Variants in EDIL3 observed in about 807,000 individuals in gnomAD.
EDIL3 encodes EGF like and discoidin domains 3, also known as EGF-like repeat and discoidin I-like domain-containing protein 3.
Under a neutral mutation model 67.4 loss-of-function variants are expected in EDIL3, and 37 were observed. The ratio of observed to expected loss-of-function variants is 0.55; its 90% CI spans 0.42 to 0.72. The LOEUF (loss-of-function observed/expected upper bound fraction) is 0.72, where lower values mean the gene tolerates loss of function less well. Among genes scored for constraint, EDIL3 ranks in the 30% least tolerant of loss-of-function variants. EDIL3 has a pLI of 0.00. For synonymous variants in EDIL3, 195 were observed against 196.3 expected, an observed-to-expected ratio of 0.99 and a Z score of 0.05; for missense variants, 527 against 586.3, an observed-to-expected ratio of 0.90 and a Z score of 1.04.
At chr5:84,262,659 G>GATTTT (rs1745250285) in intron 1 of EDIL3, among the ~76,000 whole-genome samples, 1 of 46,310 alleles carries the variant, frequency 2.2e-5, no homozygotes, top group Non-Finnish European at 3.6e-5. Context: ...AGGTTGGTTG[G>GATTTT]TTTTTTTTTT....
In EDIL3 at chr5:84,142,828, C is replaced by T. The variant is rs977881376; in HGVS notation, c.356-5474G>A. 2.3e-4 allele frequency among the ~76,000 whole-genome samples: 33 copies of T among 146,362 alleles called. No individual in the cohort carries two copies. The South Asian group carries it at 3.8e-3, about 17-fold the overall frequency. ...GACAATGATAGACGGTGCCCCCCCC[C>T]CCAAGCTTTTTTTTCTTTTGCGAAG... On this transcript the variant is annotated intron_variant, in intron 4 of 10. Coordinates refer to ENST00000296591, the MANE Select transcript of EDIL3 (RefSeq NM_005711.5).
intron 1 of EDIL3, among the ~76,000 whole-genome samples, chr5:84,320,856 T>C (rs969233513): frequency 3.3e-5 from 5 of 152,188 alleles, no homozygotes; most frequent in African/African-American, 1.2e-4. Flanking sequence ...ATATATGCAA[T>C]TGCAACATTT....
At chr5:83,987,869 G>GTATATATATATATATATATATATATATA (rs34360330) in intron 9 of EDIL3, among the ~76,000 whole-genome samples, 10 of 138,416 alleles carry the variant, frequency 7.2e-5, no homozygotes, top group African/African-American at 2.9e-4. Context: ...GTGTGTGTAT[G>GTATATATATATATATATATATATATATA]TATATATATA....
At chr5:84,073,598 T>C (rs958519342) in intron 6 of EDIL3, among the ~76,000 whole-genome samples, 8 of 152,130 alleles carry the variant, frequency 5.3e-5, no homozygotes, top group East Asian at 3.8e-4. Context: ...CCATTCACAA[T>C]TGCTTCAAAG....
intron 9 of EDIL3, chr5:84,048,256 C>T (rs955527349): frequency 3.2e-5 from 14 of 443,166 alleles, no homozygotes; most frequent in African/African-American, 2.6e-4. Context: ...ATTTTGAAAA[C>T]CTTTCCTTTA....
intron 9 of EDIL3, among the ~76,000 whole-genome samples, chr5:84,003,378 C>G (rs540186748): frequency 6.6e-4 from 101 of 152,246 alleles, no homozygotes; most frequent in Admixed American, 6.3e-3. Context: ...TGAGCTATCC[C>G]CAAGGTGGCA....
intron 1 of EDIL3, among the ~76,000 whole-genome samples, chr5:84,356,572 T>C (rs1406686057): frequency 6.6e-6 from 1 of 152,204 alleles, no homozygotes; most frequent in Non-Finnish European, 1.5e-5. Flanking sequence ...CTTACAAGCA[T>C]CCTTGTAATT....
intron 1 of EDIL3, among the ~76,000 whole-genome samples, chr5:84,276,474 C>T (rs1002611731): frequency 6.6e-6 from 1 of 152,080 alleles, no homozygotes; most frequent in South Asian, 2.1e-4. Context: ...AACTTTTAAT[C>T]GTTTCCTTCA....
intron 1 of EDIL3, among the ~76,000 whole-genome samples, chr5:84,373,557 G>A (rs1747901198): frequency 6.6e-6 from 1 of 151,946 alleles, no homozygotes; most frequent in Admixed American, 6.6e-5. Context: ...GCCAGAGATG[G>A]AAAAAAGACT....
intron 3 of EDIL3, among the ~76,000 whole-genome samples, chr5:84,220,815 T>C (rs946319380): frequency 6.6e-6 from 1 of 152,218 alleles, no homozygotes; most frequent in African/African-American, 2.4e-5. Flanking sequence ...CTTGGGACTC[T>C]TGCTTTGAAA....
chr5:84,214,833 T>C (rs342419), intron 3 of EDIL3, among the ~76,000 whole-genome samples: 115,610 of 151,798 alleles, frequency 0.76, 44,432 homozygotes, highest in African/African-American at 0.87. Context: ...ATTTTCCTGC[T>C]TCAGCCTCCC....
chr5:84,381,731 T>C (rs305660), intron 1 of EDIL3, among the ~76,000 whole-genome samples: 7 of 152,220 alleles, frequency 4.6e-5, no homozygotes, highest in African/African-American at 1.4e-4. Flanking sequence ...GCATAAGATG[T>C]CACGTGCTTG....
chr5:84,380,814 T>A (rs896826943), intron 1 of EDIL3, among the ~76,000 whole-genome samples: 1 of 152,096 alleles, frequency 6.6e-6, no homozygotes, highest in Non-Finnish European at 1.5e-5. Flanking sequence ...TTACTTTTAA[T>A]GGTATCGAGT....
At chr5:84,062,194 C>CT (rs1746558258) in intron 8 of EDIL3, among the ~76,000 whole-genome samples, 1 of 152,074 alleles carries the variant, frequency 6.6e-6, no homozygotes, top group Admixed American at 6.6e-5. Context: ...TAACAATTCT[C>CT]TAAGAGTCTA....
rs1580269381 is a variant in EDIL3, at chr5:83,992,956, G to A, written c.1138-29596C>T. ...GAAGCTACAATGTTTTAAATTTTTGGTTCAGATTTAGTGCCTATCCAAGAT... is the reference window on the plus strand; with the variant it reads ...GAAGCTACAATGTTTTAAATTTTTGATTCAGATTTAGTGCCTATCCAAGAT... On this transcript the variant is annotated intron_variant, in intron 9 of 10. Coordinates refer to ENST00000296591, the MANE Select transcript of EDIL3 (RefSeq NM_005711.5). Among the ~76,000 whole-genome samples, 5 of 151,542 alleles carry A rather than the reference G, an allele frequency of 3.3e-5. No homozygotes were observed. The South Asian group carries it at 1.0e-3, about 32-fold the overall frequency.
chr5:84,336,487 G>T (rs998013383), intron 1 of EDIL3, among the ~76,000 whole-genome samples: 2 of 152,144 alleles, frequency 1.3e-5, no homozygotes, highest in Admixed American at 1.3e-4. Context: ...CAGGATTAGT[G>T]GGAAGTAATT....
intron 1 of EDIL3, among the ~76,000 whole-genome samples, chr5:84,324,226 C>A (rs1000054906): frequency 1.3e-5 from 2 of 151,814 alleles, no homozygotes; most frequent in East Asian, 1.9e-4. Context: ...TCTTCTCCAG[C>A]CACAATGGAA....
chr5:84,231,893 T>A (rs748030514), intron 2 of EDIL3, among the ~76,000 whole-genome samples: 2 of 152,066 alleles, frequency 1.3e-5, no homozygotes, highest in Non-Finnish European at 2.9e-5. Flanking sequence ...AGAAAAAAAA[T>A]CCTTACACTT....
chr5:84,048,978 G>T (rs1394902091), intron 9 of EDIL3, among the ~76,000 whole-genome samples: 2 of 152,056 alleles, frequency 1.3e-5, no homozygotes, highest in Admixed American at 6.5e-5. Context: ...TCTAATCTGA[G>T]CAGAAGTAAA....
Sources: gnomAD v4.1 joint callset for allele counts (sites outside exome capture counted in the v4.1 genomes callset) on GRCh38, gnomAD v4.1.1 for gene constraint, MANE v1.5 for transcripts, NCBI Gene and HGNC (gene_info 2026-07-23, HGNC 2026-07-21) for gene names.